CEP63: variants seen among roughly 807,000 people sequenced by gnomAD.
CEP63 encodes centrosomal protein 63, also known as centrosomal protein of 63 kDa.
CEP63 carries 84 observed loss-of-function variants against 89.1 expected under a neutral mutation model. That is an observed-to-expected ratio of 0.94 (90% CI 0.79 to 1.13). CEP63 has a LOEUF of 1.13. Among genes scored for constraint, CEP63 ranks in the 50% most tolerant of loss-of-function variants. CEP63 has a pLI of 0.00. For synonymous variants in CEP63, 267 were observed against 272.5 expected (o/e 0.98, Z 0.20); for missense variants, 838 against 813.3 (o/e 1.03, Z -0.37).
chr3:134,552,752 T>C (rs1445574932), intron 12 of CEP63: 4 of 152,114 alleles, frequency 2.6e-5, no homozygotes, highest in African/African-American at 9.7e-5. Flanking sequence ...CTACAAGATA[T>C]TCACATAATA....
chr3:134,704,235 T>C, the CEP63 span, among the ~76,000 whole-genome samples: 6 of 152,230 alleles, frequency 3.9e-5, no homozygotes, highest in Non-Finnish European at 8.8e-5. Context: ...TGAAGCAGGC[T>C]TGGGTATCCC....
At chr3:134,642,154 C>A in the CEP63 span, among the ~76,000 whole-genome samples, 300 of 152,290 alleles carry the variant, frequency 2.0e-3, no homozygotes, top group Non-Finnish European at 3.3e-3. Context: ...CTGGTAATCC[C>A]AGTTGGCTGG....
At chr3:134,695,091 G>C in the CEP63 span, among the ~76,000 whole-genome samples, 1 of 152,232 alleles carries the variant, frequency 6.6e-6, no homozygotes, top group Non-Finnish European at 1.5e-5. Flanking sequence ...ATACCAAAAA[G>C]TTCCAGGTCA....
intron 10 of CEP63, among the ~76,000 whole-genome samples, chr3:134,586,526 C>G (rs1165521049): frequency 2.0e-5 from 3 of 152,182 alleles, no homozygotes; most frequent in Non-Finnish European, 4.4e-5. Context: ...TGGCCCCACT[C>G]TCTTCTGGCT....
the CEP63 span, among the ~76,000 whole-genome samples, chr3:134,733,825 G>A: frequency 6.6e-6 from 1 of 150,688 alleles, no homozygotes; most frequent in East Asian, 1.9e-4. Context: ...TGTTGCTTGA[G>A]GCCACCCAGA....
At chr3:134,516,616 G>A (rs1016573905) in intron 3 of CEP63, among the ~76,000 whole-genome samples, 2 of 152,172 alleles carry the variant, frequency 1.3e-5, no homozygotes, top group Admixed American at 6.5e-5. Context: ...GTGTCCCTGG[G>A]TACTTGAGAT....
chr3:134,713,856 T>C, the CEP63 span, among the ~76,000 whole-genome samples: 17 of 152,218 alleles, frequency 1.1e-4, no homozygotes, highest in Admixed American at 2.0e-4. Flanking sequence ...AAAGTAATCA[T>C]GGTAACTTCC....
chr3:134,648,333 ACC>A, the CEP63 span, among the ~76,000 whole-genome samples: 5 of 151,902 alleles, frequency 3.3e-5, no homozygotes, highest in South Asian at 1.0e-3. Context: ...TCTTCTTAAC[ACC>A]CTTCTTTTCT....
the CEP63 span, among the ~76,000 whole-genome samples, chr3:134,635,372 C>G: frequency 6.6e-6 from 1 of 151,676 alleles, no homozygotes; most frequent in Non-Finnish European, 1.5e-5. Context: ...TGGCAGGCAC[C>G]TGTAACCCCA....
At chr3:134,605,408 C>T in the CEP63 span, among the ~76,000 whole-genome samples, 2 of 152,174 alleles carry the variant, frequency 1.3e-5, no homozygotes, top group South Asian at 2.1e-4. Context: ...TCCCTAGGAA[C>T]TTTCCCCTAG....
chr3:134,756,313 C>T, the CEP63 span, among the ~76,000 whole-genome samples: 1 of 152,182 alleles, frequency 6.6e-6, no homozygotes, highest in African/African-American at 2.4e-5. Context: ...GTACTTTTGG[C>T]AAGGTGTTGG....
intron 1 of CEP63, chr3:134,486,627 C>G: frequency 6.0e-6 from 5 of 828,384 alleles, no homozygotes; most frequent in Non-Finnish European, 7.3e-6. Context: ...CGGAGAGACC[C>G]CAGTGCGGCC....
At chr3:134,574,888 G>A (rs1252251309) in exon 12 of CEP63, 4 of 523,170 alleles carry the variant, frequency 7.6e-6, no homozygotes, top group East Asian at 6.5e-5. Context: ...AATTACAAGT[G>A]TGAGCTACCA....
At chr3:134,692,208 C>A in the CEP63 span, among the ~76,000 whole-genome samples, 23 of 152,104 alleles carry the variant, frequency 1.5e-4, no homozygotes, top group Admixed American at 8.5e-4. Context: ...GTACTGCACC[C>A]ATTAACTCGT....
the CEP63 span, among the ~76,000 whole-genome samples, chr3:134,759,807 T>C: frequency 6.6e-6 from 1 of 152,216 alleles, no homozygotes; most frequent in Admixed American, 6.5e-5. Context: ...ATATTTTTTA[T>C]TGTGTTTGCA....
chr3:134,765,018 GA>G, the CEP63 span, among the ~76,000 whole-genome samples: 1 of 152,146 alleles, frequency 6.6e-6, no homozygotes, highest in African/African-American at 2.4e-5. Context: ...AGGAGCATCA[GA>G]ACCACCTGGA....
At chr3:134,719,037 T>A in the CEP63 span, among the ~76,000 whole-genome samples, 7 of 152,336 alleles carry the variant, frequency 4.6e-5, no homozygotes, top group African/African-American at 1.7e-4. Flanking sequence ...TGAATTTGAA[T>A]CCAGGCTTTC....
chr3:134,731,221 C>T, the CEP63 span, among the ~76,000 whole-genome samples: 13 of 152,128 alleles, frequency 8.5e-5, no homozygotes, highest in Admixed American at 8.5e-4. Flanking sequence ...CAAGTCAACA[C>T]ATGTTTTTAA....
intron 3 of CEP63, among the ~76,000 whole-genome samples, chr3:134,518,308 C>T (rs1285404151): frequency 6.6e-6 from 1 of 152,128 alleles, no homozygotes; most frequent in African/African-American, 2.4e-5. Flanking sequence ...AGTTAATAAA[C>T]TTGACCTAAT....
Sources: gnomAD v4.1 joint callset for allele counts (sites outside exome capture counted in the v4.1 genomes callset) on GRCh38, gnomAD v4.1.1 for gene constraint, MANE v1.5 for transcripts, NCBI Gene and HGNC (gene_info 2026-07-23, HGNC 2026-07-21) for gene names.